The following GLCCI1 variants were observed in gnomAD, a reference collection of about 807,000 sequenced individuals.
GLCCI1 encodes the protein glucocorticoid induced 1.
Under a neutral mutation model 52.2 loss-of-function variants are expected in GLCCI1, and 24 were observed. The observed-to-expected ratio is 0.46, with a 90% confidence interval of 0.33 to 0.65. The LOEUF is 0.65. GLCCI1 is among the 30% of genes least tolerant of loss of function. The pLI, the probability that GLCCI1 is intolerant of heterozygous loss-of-function variation, is 0.02. For synonymous variants in GLCCI1, 310 were observed against 276.5 expected, an observed-to-expected ratio of 1.12 and a Z score of -1.20; for missense variants, 704 against 701.5, an observed-to-expected ratio of 1.00 and a Z score of -0.04.
rs539285111 is a variant in GLCCI1 at position 8,028,032 on chromosome 7, T to C, written c.696+5463T>C. ...ATAGCTGGAGACTTCAACACCCTAC[T>C]TTCAGTATTAGACAGATCTCCTAGA... On this transcript the variant is annotated intron_variant, in intron 3 of 7. Coordinates refer to ENST00000223145, the MANE Select transcript of GLCCI1 (RefSeq NM_138426.4). 2.0e-5 allele frequency among the ~76,000 whole-genome samples: 3 copies of C among 152,360 alleles called. No individual in the cohort carries two copies. The South Asian group carries it at 6.2e-4, about 32-fold the overall frequency.
chr7:8,018,228 A>T (rs1781417222), intron 2 of GLCCI1, among the ~76,000 whole-genome samples: 1 of 152,170 alleles, frequency 6.6e-6, no homozygotes, highest in African/African-American at 2.4e-5. Context: ...ACCACATAAA[A>T]TAGATTTTTT....
At chr7:8,073,288 G>GA (rs1033855929) in intron 6 of GLCCI1, among the ~76,000 whole-genome samples, 34 of 151,862 alleles carry the variant, frequency 2.2e-4, no homozygotes, top group African/African-American at 7.7e-4. Context: ...ATCCTTTCAG[G>GA]AAAAAAATAT....
intron 5 of GLCCI1, among the ~76,000 whole-genome samples, chr7:8,062,562 C>G (rs1348119800): frequency 6.6e-6 from 1 of 152,116 alleles, no homozygotes; most frequent in Non-Finnish European, 1.5e-5. Context: ...ATTTCACCAC[C>G]CAGGTAATAA....
intron 1 of GLCCI1, chr7:7,980,641 G>A (rs145376303): frequency 1.4e-5 from 11 of 812,658 alleles, no homozygotes; most frequent in African/African-American, 8.5e-5. Context: ...GACAGAAAAC[G>A]TCCCAAGAAT....
intron 1 of GLCCI1, among the ~76,000 whole-genome samples, chr7:7,972,390 A>G (rs937666751): frequency 6.6e-6 from 1 of 152,174 alleles, no homozygotes; most frequent in Admixed American, 6.5e-5. Flanking sequence ...ACTTGAAAGC[A>G]TTAAGTAGTT....
At chr7:8,016,085 C>G (rs1781371260) in intron 2 of GLCCI1, among the ~76,000 whole-genome samples, 1 of 152,162 alleles carries the variant, frequency 6.6e-6, no homozygotes, top group Non-Finnish European at 1.5e-5. Flanking sequence ...CCTGTTATAT[C>G]TTGTATCAAT....
chr7:8,027,790 A>T (rs1296499778), intron 3 of GLCCI1, among the ~76,000 whole-genome samples: 1 of 152,220 alleles, frequency 6.6e-6, no homozygotes, highest in Non-Finnish European at 1.5e-5. Flanking sequence ...ATTCCATGCC[A>T]GTGGAAACCA....
intron 6 of GLCCI1, among the ~76,000 whole-genome samples, chr7:8,084,306 TG>T (rs1291556331): frequency 4.6e-5 from 7 of 152,234 alleles, no homozygotes; most frequent in African/African-American, 1.7e-4. Context: ...CAAATTCTGC[TG>T]AAAAAGCCCT....
chr7:7,983,974 A>G (rs1780673255), intron 1 of GLCCI1, among the ~76,000 whole-genome samples: 1 of 152,180 alleles, frequency 6.6e-6, no homozygotes, highest in African/African-American at 2.4e-5. Context: ...TGGAAGATAG[A>G]TTTCCACAGA....
intron 2 of GLCCI1, among the ~76,000 whole-genome samples, chr7:8,011,283 T>G (rs1352937796): frequency 6.6e-6 from 1 of 152,256 alleles, no homozygotes; most frequent in Non-Finnish European, 1.5e-5. Context: ...ACTCTGTGTT[T>G]ATTAAATACT....
chr7:8,037,192 T>C (rs943506836), intron 3 of GLCCI1, among the ~76,000 whole-genome samples: 1 of 152,170 alleles, frequency 6.6e-6, no homozygotes, highest in Non-Finnish European at 1.5e-5. Context: ...TACAGCAGAA[T>C]GCTCAGCAGA....
chr7:8,049,003 G>T (rs1177955127), intron 3 of GLCCI1, among the ~76,000 whole-genome samples: 1 of 152,058 alleles, frequency 6.6e-6, no homozygotes, highest in Non-Finnish European at 1.5e-5. Context: ...TACTATTCTG[G>T]TTTTTATAAA....
At chr7:8,079,191 C>T (rs558434438) in intron 6 of GLCCI1, among the ~76,000 whole-genome samples, 36 of 151,578 alleles carry the variant, frequency 2.4e-4, no homozygotes, top group African/African-American at 7.0e-4. Context: ...TTTCCCCACA[C>T]GTCAGCAGAT....
At chr7:8,058,708 A>G (rs1030239170) in intron 4 of GLCCI1, among the ~76,000 whole-genome samples, 1 of 152,188 alleles carries the variant, frequency 6.6e-6, no homozygotes, top group Non-Finnish European at 1.5e-5. Flanking sequence ...ATTTGATAAA[A>G]GTTGATTACC....
intron 3 of GLCCI1, among the ~76,000 whole-genome samples, chr7:8,044,327 A>G (rs1418227006): frequency 2.6e-5 from 4 of 151,548 alleles, no homozygotes; most frequent in African/African-American, 4.9e-5. Context: ...TCCTTGACAT[A>G]GGATCGAATT....
intron 1 of GLCCI1, among the ~76,000 whole-genome samples, chr7:7,989,601 G>A (rs956902293): frequency 6.6e-6 from 1 of 152,030 alleles, no homozygotes; most frequent in African/African-American, 2.4e-5. Flanking sequence ...TTGGTAAAGA[G>A]GTCTAGAATA....
chr7:7,995,278 G>A (rs1780916879), intron 1 of GLCCI1, among the ~76,000 whole-genome samples: 1 of 152,158 alleles, frequency 6.6e-6, no homozygotes, highest in Non-Finnish European at 1.5e-5. Context: ...GGAGGCTGAG[G>A]TAGGCAAATC....
chr7:8,087,875 C>A lies in GLCCI1; in HGVS notation c.*1337C>A, dbSNP rs1326651953. 3.9e-5 allele frequency: 6 copies of A among 152,620 alleles called. No individual in the cohort carries two copies. Among genetic ancestry groups the A allele is most frequent in the African/African-American group, 1.2e-4 (5 of 41,454 alleles). 9.5% of individuals were successfully genotyped at this position (152,620 alleles called of 1,614,324 possible). ...AAGAAAATAGCCTTGAACTTGCAGA[C>A]TTTTGACACAAGTTCTCCACAAAGT... On this transcript the variant is annotated 3_prime_UTR_variant, in exon 8 of 8. Coordinates refer to ENST00000223145, the MANE Select transcript of GLCCI1 (RefSeq NM_138426.4).
chr7:7,995,661 A>G (rs537003431), intron 1 of GLCCI1, among the ~76,000 whole-genome samples: 44 of 152,312 alleles, frequency 2.9e-4, no homozygotes, highest in South Asian at 8.3e-4. Context: ...ACAAAAAACC[A>G]AACACCGCAT....
Sources: gnomAD v4.1 joint callset for allele counts (sites outside exome capture counted in the v4.1 genomes callset) on GRCh38, gnomAD v4.1.1 for gene constraint, MANE v1.5 for transcripts, NCBI Gene and HGNC (gene_info 2026-07-23, HGNC 2026-07-21) for gene names.